Variants in PRKDC observed in about 807,000 individuals in gnomAD.
PRKDC encodes DNA-dependent protein kinase catalytic subunit.
A neutral mutation model predicts 486.9 loss-of-function variants in PRKDC; 82 were observed. That is an observed-to-expected ratio of 0.17 (90% CI 0.14 to 0.20). The LOEUF (loss-of-function observed/expected upper bound fraction) is 0.20, where lower values mean the gene tolerates loss of function less well. PRKDC is among the 10% of genes least tolerant of loss of function. The pLI is 1.00. For synonymous variants in PRKDC, 1,895 were observed against 1,837.0 expected (o/e 1.03, Z -0.81); for missense variants, 4,504 against 5,038.2 (o/e 0.89, Z 3.21).
rs1367810171 is a variant in PRKDC, at chr8:47,890,476, A to G, written c.3852T>C (p.Thr1284=). The G allele has an allele frequency of 6.5e-7, 1 of 1,545,590 alleles. No individual in the cohort carries two copies. Among genetic ancestry groups the G allele is most frequent in the African/African-American group, 1.4e-5 (1 of 72,970 alleles). ...CTTTCAAAAGTGAAGACTGGGCTTC[A>G]GTACCTAGAAGCAATTATATTAAAG... ...RTVGALQVLG[T]EAQSSLLKAV... is the part of the protein sequence containing the mutation. The change falls in exon 32 of 86, where the codon ACT becomes ACC. Residue 1284 remains threonine (T), a synonymous_variant. Coordinates refer to ENST00000314191, the MANE Select transcript of PRKDC (RefSeq NM_006904.7).
At chr8:47,876,940 A>G (rs1357018246) in intron 40 of PRKDC, among the ~76,000 whole-genome samples, 1 of 152,222 alleles carries the variant, frequency 6.6e-6, no homozygotes, top group Non-Finnish European at 1.5e-5. Flanking sequence ...GCATCACTAA[A>G]AGCAGGATCA....
rs568988199 is a variant in PRKDC, at chr8:47,813,990, T to C, written c.9557+3460A>G. The stretch of plus-strand genomic sequence containing the variant: ...CAAAAAAGAAAATTACACACCAATA[T>C]CCCACTTGGATGTAGATGCTAAAAT... On this transcript the variant is annotated intron_variant, in intron 68 of 85. Coordinates refer to ENST00000314191, the MANE Select transcript of PRKDC (RefSeq NM_006904.7). Among the ~76,000 whole-genome samples, 5 of 152,248 alleles carry C rather than the reference T, an allele frequency of 3.3e-5. No homozygotes were observed. The East Asian group carries it at 9.6e-4, about 29-fold the overall frequency.
In PRKDC at chr8:47,881,963, G is replaced by A. The variant is rs1461821125; in HGVS notation, c.4911C>T (p.Ser1637=). 1.2e-6 allele frequency: 2 copies of A among 1,613,564 alleles called. No homozygotes were observed. Among genetic ancestry groups the A allele is most frequent in the Admixed American group, 1.7e-5 (1 of 59,940 alleles). The stretch of plus-strand genomic sequence containing the variant: ...GCACTGCCATTTTAGTTTCGAGAGG[G>A]GAATCTTTGGCCCACCATGAATCAC... The part of the protein sequence containing the change: ...KKCDSWWAKD[S]PLETKMAVLA... Residue 1637 remains serine, a synonymous_variant, in exon 37 of 86, where the codon TCC becomes TCT. Transcript: ENST00000314191.
chr8:47,823,481 G>A (rs1410092701), intron 64 of PRKDC, among the ~76,000 whole-genome samples: 3 of 151,724 alleles, frequency 2.0e-5, no homozygotes, highest in Non-Finnish European at 4.4e-5. Flanking sequence ...TACTTCCTGT[G>A]CAGCCCGTGG....
At position 47,933,122 on chromosome 8, in the gene PRKDC, T is replaced by G; in HGVS notation, c.1674A>C (p.Glu558Asp). 6.4e-7 allele frequency: 1 copy of G among 1,566,080 alleles called. No homozygotes were observed. The highest frequency in any genetic ancestry group is 8.6e-7 in the Non-Finnish European group (1 of 1,158,334). The change falls in exon 16 of 86, where the codon GAA becomes GAC. Residue 558 changes from glutamate (E) to aspartate (D), a missense_variant. By Grantham distance (45) the Glu-to-Asp change is conservative. This residue lies in a region of PRKDC where 1,969 missense variants were observed against 2,068.9 expected (regional missense o/e 0.95). Coordinates refer to ENST00000314191, the MANE Select transcript of PRKDC (RefSeq NM_006904.7). ...CATCATAAAGTAAATGATTCAGACT[T>G]TCACTGGAGGAATTCACAGAGAAAA... Reference protein sequence around the residue: ...EAFFSVNSSSESLNHLLYDEF... With the variant: ...EAFFSVNSSSDSLNHLLYDEF...
At chr8:47,872,702 A>G (rs2088983683) in intron 40 of PRKDC, among the ~76,000 whole-genome samples, 1 of 152,212 alleles carries the variant, frequency 6.6e-6, no homozygotes, top group African/African-American at 2.4e-5. Flanking sequence ...TGAAGTCATT[A>G]TATAATGATT....
intron 40 of PRKDC, 55 bp from the exon 41 acceptor site, chr8:47,864,818 T>C (rs1444235127): frequency 1.4e-6 from 2 of 1,415,794 alleles, no homozygotes; most frequent in African/African-American, 2.9e-5. Flanking sequence ...AGGAACTTTA[T>C]GAGTGCCTAC....
chr8:47,778,007 A>T, intron 83 of PRKDC, 133 bp from the exon 84 acceptor site: 1 of 882,764 alleles, frequency 1.1e-6, no homozygotes, highest in Admixed American at 2.4e-5. Context: ...CCTTGAAATC[A>T]GCTACACAGA....
In PRKDC at chr8:47,855,353, C is replaced by T. The variant is rs760395906; in HGVS notation, c.6630G>A (p.Val2210=). The change falls in exon 50 of 86, where the codon GTG becomes GTA. Residue 2210 remains valine, a synonymous_variant. Coordinates refer to ENST00000314191, the MANE Select transcript of PRKDC (RefSeq NM_006904.7). The part of the protein sequence containing the change: ...ATPTGVPKDE[V]LANRLLNFLM... ...GGAAATTAAGCAATCGATTTGCTAA[C>T]ACTTCATCTTTAGGGACCCCCTGAA... The T allele has an allele frequency of 6.3e-7, 1 of 1,598,850 alleles. No individual in the cohort carries two copies. Among genetic ancestry groups the T allele is most frequent in the East Asian group, 2.2e-5 (1 of 44,624 alleles).
At chr8:47,785,442 G>A (rs1401710934) in intron 76 of PRKDC, 125 bp from the exon 77 acceptor site, 4 of 829,810 alleles carry the variant, frequency 4.8e-6, no homozygotes, top group South Asian at 1.7e-5. Context: ...CTTTTAAGAT[G>A]TATAGTTTTG....
chr8:47,909,261 A>G (rs915194806), intron 25 of PRKDC, among the ~76,000 whole-genome samples: 1 of 152,332 alleles, frequency 6.6e-6, no homozygotes, highest in East Asian at 1.9e-4. Context: ...TTTCATGGAC[A>G]TTTATCAGTT....
chr8:47,777,272 G>T (rs1183940790), intron 84 of PRKDC, among the ~76,000 whole-genome samples: 8 of 151,822 alleles, frequency 5.3e-5, no homozygotes, highest in Non-Finnish European at 1.2e-4. Flanking sequence ...GCAGTGGCGT[G>T]ATCTCGGCTC....
At chr8:47,796,084 A>T (rs1367055569) in intron 73 of PRKDC, among the ~76,000 whole-genome samples, 1 of 151,422 alleles carries the variant, frequency 6.6e-6, no homozygotes, top group African/African-American at 2.4e-5. Context: ...TAGTAGAGAC[A>T]GGGTTCCACT....
At chr8:47,890,555 G>C (rs2154501856) in intron 31 of PRKDC, 75 bp from the exon 32 acceptor site, 1 of 1,151,628 alleles carries the variant, frequency 8.7e-7, no homozygotes, top group Non-Finnish European at 1.2e-6. Context: ...AATTGCTTCT[G>C]TAAGTATAGG....
Position 47,862,045 on chromosome 8 carries a change from T to C in PRKDC, c.5985+17A>G, listed in dbSNP as rs374832575. On this transcript the variant is annotated intron_variant, in intron 44 of 85. Coordinates refer to ENST00000314191, the MANE Select transcript of PRKDC (RefSeq NM_006904.7). ...AGCACTTGATAAGTTTTTTTTAACA[T>C]TGAAAATTTCACTCACCTCAACTTC... The C allele has an allele frequency of 1.4e-4, 218 of 1,534,638 alleles. 1 individual carries two copies. The highest frequency in any genetic ancestry group is 1.3e-3 in the East Asian group (54 of 40,928).
Position 47,846,625 on chromosome 8 carries a change from A to G in PRKDC, c.7280+2529T>C, listed in dbSNP as rs548980632. 1.5e-4 allele frequency among the ~76,000 whole-genome samples: 23 copies of G among 152,308 alleles called. 1 individual carries two copies. In the South Asian group the frequency reaches 4.3e-3, roughly 29 times the overall value. On this transcript the variant is annotated intron_variant, in intron 54 of 85. Coordinates refer to ENST00000314191, the MANE Select transcript of PRKDC (RefSeq NM_006904.7). ...AAGGATGCCCACTCTCATCACTCCT[A>G]TTCAACACAGTACTCAAAGTCCTAC...
chr8:47,780,443 A>T (rs1423596579), intron 80 of PRKDC, among the ~76,000 whole-genome samples: 1 of 152,224 alleles, frequency 6.6e-6, no homozygotes, highest in Non-Finnish European at 1.5e-5. Context: ...TGATACACGT[A>T]TGTTTAAGTA....
intron 50 of PRKDC, among the ~76,000 whole-genome samples, chr8:47,854,426 C>T (rs183432266): frequency 6.6e-6 from 1 of 152,254 alleles, no homozygotes; most frequent in African/African-American, 2.4e-5. Flanking sequence ...GCAAGCTCTG[C>T]CCCCTGGGTT....
chr8:47,802,781 T>G (rs1004564622), intron 70 of PRKDC, among the ~76,000 whole-genome samples: 1 of 151,704 alleles, frequency 6.6e-6, no homozygotes, highest in Non-Finnish European at 1.5e-5. Context: ...GCCTCCCGAG[T>G]AGCTGGGACT....
Sources: gnomAD v4.1 joint callset for allele counts (sites outside exome capture counted in the v4.1 genomes callset) on GRCh38, gnomAD v4.1.1 for gene constraint, gnomAD v4.1.1 regional missense constraint, MANE v1.5 for transcripts, NCBI Gene and HGNC (gene_info 2026-07-23, HGNC 2026-07-21) for gene names.